Variants in MARCHF3 observed in about 807,000 individuals in gnomAD.
MARCHF3 encodes E3 ubiquitin-protein ligase MARCHF3.
Under a neutral mutation model 24.2 loss-of-function variants are expected in MARCHF3, and 13 were observed. The ratio of observed to expected loss-of-function variants is 0.54; its 90% CI spans 0.35 to 0.85. MARCHF3 has a LOEUF of 0.85. Ranked by LOEUF, MARCHF3 falls within the 40% of genes least tolerant of loss-of-function variation. MARCHF3 has a pLI of 0.01. For synonymous variants in MARCHF3, 144 were observed against 137.3 expected, an observed-to-expected ratio of 1.05 and a Z score of -0.34; for missense variants, 276 against 325.0, an observed-to-expected ratio of 0.85 and a Z score of 1.16.
chr5:126,934,200 T>C (rs1749565187), intron 1 of MARCHF3, among the ~76,000 whole-genome samples: 1 of 152,142 alleles, frequency 6.6e-6, no homozygotes, highest in South Asian at 2.1e-4. Context: ...TTTTTTACAA[T>C]ATTATTAGGA....
chr5:126,942,501 T>C (rs1749862241), intron 1 of MARCHF3, among the ~76,000 whole-genome samples: 1 of 152,038 alleles, frequency 6.6e-6, no homozygotes, highest in Admixed American at 6.6e-5. Flanking sequence ...ATATAATCCC[T>C]GCCCTACAGG....
At chr5:126,938,505 TTTA>T (rs1228267199) in intron 1 of MARCHF3, among the ~76,000 whole-genome samples, 1 of 151,512 alleles carries the variant, frequency 6.6e-6, no homozygotes, top group African/African-American at 2.4e-5. Context: ...TGTTGTTGTT[TTTA>T]AAAGCTAGGA....
At chr5:126,970,634 T>A (rs1461179082) in intron 1 of MARCHF3, among the ~76,000 whole-genome samples, 2 of 152,190 alleles carry the variant, frequency 1.3e-5, no homozygotes, top group Non-Finnish European at 2.9e-5. Flanking sequence ...TTTGACAGAT[T>A]AAGCCAAAGT....
intron 3 of MARCHF3, among the ~76,000 whole-genome samples, chr5:126,896,129 GC>G (rs947650191): frequency 6.6e-6 from 1 of 152,178 alleles, no homozygotes; most frequent in Non-Finnish European, 1.5e-5. Context: ...CTGACCCCTT[GC>G]GCTTCCCAAG....
At chr5:127,014,602 C>T (rs1752575988) in intron 1 of MARCHF3, among the ~76,000 whole-genome samples, 8 of 152,112 alleles carry the variant, frequency 5.3e-5, no homozygotes, top group Admixed American at 5.2e-4. Flanking sequence ...GGTATATATA[C>T]ACAATGGAAT....
At chr5:126,959,045 G>C (rs1366456376) in intron 1 of MARCHF3, among the ~76,000 whole-genome samples, 1 of 152,184 alleles carries the variant, frequency 6.6e-6, no homozygotes, top group Non-Finnish European at 1.5e-5. Flanking sequence ...AATTTATGTG[G>C]ACACTGACCA....
chr5:126,958,517 C>T (rs1750525598), intron 1 of MARCHF3, among the ~76,000 whole-genome samples: 1 of 152,050 alleles, frequency 6.6e-6, no homozygotes, highest in Admixed American at 6.5e-5. Context: ...TGATCTAATT[C>T]TTCATATTCC....
chr5:126,956,645 CAAAAAAAAAAAAAAAA>C (rs60640113), intron 1 of MARCHF3, among the ~76,000 whole-genome samples: 4,659 of 20,684 alleles, frequency 0.23, 440 homozygotes, highest in East Asian at 0.48. Flanking sequence ...GCTCTGTCTC[CAAAAAAAAAAAAAAAA>C]AAAAAAAAAA....
At chr5:126,972,394 A>G (rs1217494474) in intron 1 of MARCHF3, among the ~76,000 whole-genome samples, 1 of 152,106 alleles carries the variant, frequency 6.6e-6, no homozygotes, top group Admixed American at 6.6e-5. Flanking sequence ...CATAATCACT[A>G]CTGTGCTTCG....
intron 4 of MARCHF3, among the ~76,000 whole-genome samples, chr5:126,874,900 C>T (rs545909907): frequency 1.3e-5 from 2 of 152,280 alleles, no homozygotes; most frequent in Admixed American, 1.3e-4. Flanking sequence ...GCAGTTCCCC[C>T]TTTATAAGAA....
chr5:127,005,730 T>C (rs1165680493), intron 1 of MARCHF3, among the ~76,000 whole-genome samples: 1 of 152,050 alleles, frequency 6.6e-6, no homozygotes, highest in Non-Finnish European at 1.5e-5. Context: ...TCTTCAAAAT[T>C]ATTAGATCAT....
At chr5:126,987,593 A>G (rs1335052096) in intron 1 of MARCHF3, among the ~76,000 whole-genome samples, 1 of 151,974 alleles carries the variant, frequency 6.6e-6, no homozygotes, top group Non-Finnish European at 1.5e-5. Flanking sequence ...CCATCCCCCA[A>G]CCCCCACTAT....
At chr5:126,985,709 T>C (rs1409617638) in intron 1 of MARCHF3, among the ~76,000 whole-genome samples, 1 of 152,160 alleles carries the variant, frequency 6.6e-6, no homozygotes, top group East Asian at 1.9e-4. Context: ...TCTCCTGACC[T>C]CGTGATCCAC....
At chr5:126,935,755 C>T (rs112863437) in intron 1 of MARCHF3, among the ~76,000 whole-genome samples, 2,369 of 151,554 alleles carry the variant, frequency 0.016, 60 homozygotes, top group African/African-American at 0.051. Flanking sequence ...GGATTACAGG[C>T]GCCTGCCACC....
intron 1 of MARCHF3, among the ~76,000 whole-genome samples, chr5:126,958,897 C>T (rs993730314): frequency 6.6e-6 from 1 of 151,856 alleles, no homozygotes; most frequent in South Asian, 2.1e-4. Flanking sequence ...ATCTAAGTAA[C>T]GAAATAAGTG....
intron 3 of MARCHF3, among the ~76,000 whole-genome samples, chr5:126,903,112 G>A (rs1039864688): frequency 2.2e-4 from 34 of 151,960 alleles, no homozygotes; most frequent in Non-Finnish European, 3.8e-4. Context: ...CAGTAGGTTC[G>A]GTCTATAATA....
chr5:126,944,172 T>C (rs1749931125), intron 1 of MARCHF3, among the ~76,000 whole-genome samples: 2 of 152,120 alleles, frequency 1.3e-5, no homozygotes, highest in Non-Finnish European at 2.9e-5. Flanking sequence ...CTCACTAATG[T>C]AACAGCTCTG....
intron 1 of MARCHF3, among the ~76,000 whole-genome samples, chr5:127,023,585 A>G (rs1396936805): frequency 2.0e-5 from 3 of 151,908 alleles, no homozygotes; most frequent in Admixed American, 6.6e-5. Context: ...TACAAAAATT[A>G]GCCAGGTGTG....
chr5:126,918,122 G>A lies in MARCHF3; in HGVS notation c.50C>T (p.Thr17Ile). The A allele has an allele frequency of 6.2e-6, 10 of 1,614,164 alleles. No homozygotes were observed. Among genetic ancestry groups the A allele is most frequent in the Non-Finnish European group, 7.6e-6 (9 of 1,180,040 alleles). Residue 17 changes from threonine to isoleucine, a missense_variant, in exon 2 of 5, where the codon ACC becomes ATC. Transcript: ENST00000308660. Reference protein sequence around the residue: ...SHLPEVLPDCTSSAAPVVKTV... With the variant: ...SHLPEVLPDCISSAAPVVKTV... Reference sequence around the variant, plus strand: ...CTTCACCACGGGTGCAGCTGAGCTGGTGCAGTCTGGCAGGACTTCGGGCAG... The same window carrying A: ...CTTCACCACGGGTGCAGCTGAGCTGATGCAGTCTGGCAGGACTTCGGGCAG...
Sources: gnomAD v4.1 joint callset for allele counts (sites outside exome capture counted in the v4.1 genomes callset) on GRCh38, gnomAD v4.1.1 for gene constraint, MANE v1.5 for transcripts, NCBI Gene and HGNC (gene_info 2026-07-23, HGNC 2026-07-21) for gene names.